SEPTIN9: variants seen among roughly 807,000 people sequenced by gnomAD.
SEPTIN9 encodes the protein septin 9.
In SEPTIN9, 13 loss-of-function variants were observed where a neutral mutation model predicts 56.6. The ratio of observed to expected loss-of-function variants is 0.23; its 90% CI spans 0.15 to 0.37. The LOEUF is 0.37. SEPTIN9 is among the 10% of genes least tolerant of loss of function. The pLI, the probability that SEPTIN9 is intolerant of heterozygous loss-of-function variation, is 1.00. For missense variants in SEPTIN9, 650 were observed against 823.1 expected, an observed-to-expected ratio of 0.79 and a Z score of 2.57; for synonymous variants, 332 against 334.1, an observed-to-expected ratio of 0.99 and a Z score of 0.07.
intron 10 of SEPTIN9, among the ~76,000 whole-genome samples, chr17:77,495,825 G>C (rs1159059055): frequency 6.6e-6 from 1 of 152,224 alleles, no homozygotes; most frequent in Non-Finnish European, 1.5e-5. Context: ...GGGCAAGGTG[G>C]AGGCCCCGGC....
At chr17:77,298,549 A>G (rs1224184887) in intron 1 of SEPTIN9, among the ~76,000 whole-genome samples, 8 of 152,028 alleles carry the variant, frequency 5.3e-5, no homozygotes, top group African/African-American at 1.9e-4. Context: ...TTATGGGAAA[A>G]CCCTACATGG....
rs1184333876 is a variant in SEPTIN9 at position 77,445,044 on chromosome 17, G to C, written c.722-37100G>C. 2.6e-6 allele frequency: 1 copy of C among 383,368 alleles called. No individual in the cohort carries two copies. Among genetic ancestry groups the C allele is most frequent in the Non-Finnish European group, 5.4e-6 (1 of 184,158 alleles). 23.7% of individuals were successfully genotyped at this position (383,368 alleles called of 1,614,324 possible). A position where few individuals can be genotyped will look rare whatever the true frequency, so the allele number is the denominator to read the frequency against. ...TGTGCTGAAACAGCCCAGCAGCTGC[G>C]CTGCCTCACAGAAAATGTGCAGAGG... is the stretch of plus-strand genomic sequence containing the variant. On this transcript the variant is annotated intron_variant, in intron 3 of 11. Coordinates refer to ENST00000427177, the MANE Select transcript of SEPTIN9 (RefSeq NM_001113491.2). This position sits in a 1 kb window ranked among gnomAD's most constrained non-coding sequence, Gnocchi z 4.7.
intron 2 of SEPTIN9, among the ~76,000 whole-genome samples, chr17:77,316,792 G>A (rs533951191): frequency 9.3e-5 from 14 of 151,236 alleles, no homozygotes; most frequent in Non-Finnish European, 1.6e-4. Flanking sequence ...CAGCAGCCTC[G>A]AACTCCTGGC....
chr17:77,376,210 G>T, intron 2 of SEPTIN9: 1 of 986,366 alleles, frequency 1.0e-6, no homozygotes, highest in Non-Finnish European at 1.2e-6. Flanking sequence ...AGAGGGGGCT[G>T]GGGCATAAGG....
intron 2 of SEPTIN9, chr17:77,373,786 A>G: frequency 1.5e-6 from 1 of 681,636 alleles, no homozygotes; most frequent in Non-Finnish European, 2.2e-6. Context: ...GCGCCCTCAC[A>G]GGACCCTGTG....
chr17:77,462,093 C>T (rs1329003764), intron 3 of SEPTIN9, among the ~76,000 whole-genome samples: 3 of 152,316 alleles, frequency 2.0e-5, no homozygotes, highest in South Asian at 4.1e-4. Context: ...CCCTTTCCTT[C>T]TATCGGTTTT....
chr17:77,467,826 G>C (rs1359384923), intron 3 of SEPTIN9, among the ~76,000 whole-genome samples: 1 of 152,230 alleles, frequency 6.6e-6, no homozygotes, highest in East Asian at 1.9e-4. Context: ...CGAGGGGCCG[G>C]ACGAAAGGAC....
chr17:77,498,745 T>A lies in SEPTIN9; in HGVS notation c.*87T>A. The A allele has an allele frequency of 1.3e-6, 1 of 761,298 alleles. No individual in the cohort carries two copies. The highest frequency in any genetic ancestry group is 2.1e-6 in the Non-Finnish European group (1 of 467,490). 47.2% of individuals were successfully genotyped at this position (761,298 alleles called of 1,614,324 possible). A position where few individuals can be genotyped will look rare whatever the true frequency, so the allele number is the denominator to read the frequency against. Reference sequence around the variant, plus strand: ...TCCCACCACCCCATTTTATTTTATATGATTTTCTCCATTTGTCATCGTTCC... The same window carrying A: ...TCCCACCACCCCATTTTATTTTATAAGATTTTCTCCATTTGTCATCGTTCC... On this transcript the variant is annotated 3_prime_UTR_variant, in exon 12 of 12. Coordinates refer to ENST00000427177, the MANE Select transcript of SEPTIN9 (RefSeq NM_001113491.2).
rs538245570 is a variant in SEPTIN9 at position 77,329,375 on chromosome 17, C to T, written c.76+22178C>T. The stretch of plus-strand genomic sequence containing the variant: ...AGGCCACTGGATGCTGACAGGTGGC[C>T]GGCCCTGCCCAGCCTTGCACTGCCC... On this transcript the variant is annotated intron_variant, in intron 2 of 11. Coordinates refer to ENST00000427177, the MANE Select transcript of SEPTIN9 (RefSeq NM_001113491.2). The surrounding 1 kb of genome is among the most constrained non-coding windows in gnomAD (Gnocchi z 4.3). 5.3e-5 allele frequency among the ~76,000 whole-genome samples: 8 copies of T among 152,314 alleles called. No individual in the cohort carries two copies. The highest frequency in any genetic ancestry group is 2.1e-4 in the South Asian group (1 of 4,826).
At chr17:77,331,065 C>G (rs1051812893) in intron 2 of SEPTIN9, among the ~76,000 whole-genome samples, 3 of 152,278 alleles carry the variant, frequency 2.0e-5, no homozygotes, top group Admixed American at 1.3e-4. Flanking sequence ...TAAAGAACTA[C>G]GGCTTCAGGC....
intron 3 of SEPTIN9, among the ~76,000 whole-genome samples, chr17:77,481,632 G>C (rs2039460607): frequency 6.6e-6 from 1 of 152,240 alleles, no homozygotes; most frequent in African/African-American, 2.4e-5. Context: ...CATCCCTCCT[G>C]TGTCTTGGCT....
intron 3 of SEPTIN9, among the ~76,000 whole-genome samples, chr17:77,438,188 C>T (rs74452825): frequency 3.9e-5 from 6 of 152,330 alleles, no homozygotes; most frequent in East Asian, 1.9e-4. Flanking sequence ...CAGATGCTCA[C>T]GGAGCTGCTC....
chr17:77,328,641 C>T (rs1224454780), intron 2 of SEPTIN9, among the ~76,000 whole-genome samples: 1 of 152,218 alleles, frequency 6.6e-6, no homozygotes, highest in African/African-American at 2.4e-5. Context: ...GCTGGGATTA[C>T]AGGCATGAGC....
intron 2 of SEPTIN9, among the ~76,000 whole-genome samples, chr17:77,368,915 C>CA (rs1159205453): frequency 6.6e-6 from 1 of 152,218 alleles, no homozygotes; most frequent in African/African-American, 2.4e-5. Context: ...CATCTCTTCT[C>CA]AGTCTCACCT....
chr17:77,397,794 C>T (rs955324964), intron 2 of SEPTIN9, among the ~76,000 whole-genome samples: 1 of 152,228 alleles, frequency 6.6e-6, no homozygotes, highest in East Asian at 1.9e-4. Flanking sequence ...GGATTACAGG[C>T]GCCCACCCCC....
Position 77,485,339 on chromosome 17 carries a change from T to G in SEPTIN9, c.914-2085T>G, listed in dbSNP as rs1199743286. Among the ~76,000 whole-genome samples, 12 of 121,376 alleles carry G rather than the reference T, an allele frequency of 9.9e-5. No homozygotes were observed. The East Asian group carries it at 3.0e-3, about 30-fold the overall frequency. 79.6% of individuals were successfully genotyped at this position (121,376 alleles called of 152,430 possible). Reference sequence around the variant, plus strand: ...GTGGTGATAGTGATGGGGATGATGGTGGTGTTGATGGTGATAGTGGTGGGA... The same window carrying G: ...GTGGTGATAGTGATGGGGATGATGGGGGTGTTGATGGTGATAGTGGTGGGA... On this transcript the variant is annotated intron_variant, in intron 4 of 11. Transcript: ENST00000427177.
intron 1 of SEPTIN9, among the ~76,000 whole-genome samples, chr17:77,296,814 C>T (rs1386738472): frequency 3.9e-5 from 6 of 152,094 alleles, no homozygotes; most frequent in African/African-American, 1.4e-4. Flanking sequence ...GATCACGCCA[C>T]TGCACTCCAG....
rs1048465670 is a variant in SEPTIN9 at position 77,499,591 on chromosome 17, G to A, written c.*933G>A. 1 of 441,454 alleles carries A rather than the reference G, an allele frequency of 2.3e-6. No homozygotes were observed. The highest frequency in any genetic ancestry group is 2.0e-5 in the African/African-American group (1 of 50,720). 27.3% of individuals were successfully genotyped at this position (441,454 alleles called of 1,614,324 possible). On this transcript the variant is annotated 3_prime_UTR_variant, in exon 12 of 12. Transcript: ENST00000427177. ...GCACGTGTGGGCCGTGGCTTGGGCT[G>A]GTCAGAGTGGCGTGAGCTGCCCGGC...
chr17:77,382,121 G>A (rs547331580), intron 2 of SEPTIN9, among the ~76,000 whole-genome samples: 8 of 152,136 alleles, frequency 5.3e-5, no homozygotes, highest in African/African-American at 1.7e-4. Context: ...TCCGCCTCCT[G>A]GGTTCAAGCG....
Sources: allele counts gnomAD v4.1 joint callset (sites outside exome capture counted in the v4.1 genomes callset), GRCh38; gene constraint gnomAD v4.1.1; non-coding constraint Gnocchi (gnomAD v3.1); transcripts MANE v1.5; gene names NCBI Gene and HGNC (gene_info 2026-07-23, HGNC 2026-07-21).